The following HPGDS variants were observed in gnomAD, a reference collection of about 807,000 sequenced individuals.
The protein encoded by HPGDS is hematopoietic prostaglandin D synthase.
Under a neutral mutation model 23.1 loss-of-function variants are expected in HPGDS, and 26 were observed. The ratio of observed to expected loss-of-function variants is 1.13; its 90% CI spans 0.83 to 1.56. HPGDS has a LOEUF of 1.56. HPGDS is among the 40% of genes most tolerant of loss of function. The probability of loss-of-function intolerance (pLI) is 0.00; values close to 1 mark genes in which losing one functional copy is unlikely to be tolerated. For missense variants in HPGDS, 268 were observed against 236.4 expected (o/e 1.13, Z -0.88); for synonymous variants, 95 against 77.9 (o/e 1.22, Z -1.16).
At position 94,302,347 on chromosome 4, in the gene HPGDS, A is replaced by G. The variant is rs904984232; in HGVS notation, c.337-103T>C. The G allele has an allele frequency of 2.3e-5, 18 of 779,678 alleles. No individual in the cohort carries two copies. The African/African-American group carries it at 3.0e-4, about 13-fold the overall frequency. 48.3% of individuals were successfully genotyped at this position (779,678 alleles called of 1,614,324 possible). A position where few individuals can be genotyped will look rare whatever the true frequency, so the allele number is the denominator to read the frequency against. On this transcript the variant is annotated intron_variant, in intron 4 of 5. Transcript: ENST00000295256. ...CATCTTTATTCTCCCACATGAATTC[A>G]AGAAGAAAGAGAAGTAGCTAGATTT...
chr4:94,304,793 C>T (rs972485634), intron 4 of HPGDS, among the ~76,000 whole-genome samples: 3 of 151,956 alleles, frequency 2.0e-5, no homozygotes, highest in African/African-American at 7.3e-5. Flanking sequence ...AGTTGTTATT[C>T]TAATACAAAG....
intron 3 of HPGDS, among the ~76,000 whole-genome samples, chr4:94,309,579 G>T (rs1385555540): frequency 1.3e-5 from 2 of 152,162 alleles, no homozygotes; most frequent in Non-Finnish European, 2.9e-5. Flanking sequence ...GAATAGTGCT[G>T]CAATAAACAT....
At chr4:94,332,427 C>A (rs1756750759) in intron 2 of HPGDS, among the ~76,000 whole-genome samples, 4 of 152,226 alleles carry the variant, frequency 2.6e-5, no homozygotes, top group Admixed American at 2.6e-4. Context: ...TGTGATGAGG[C>A]AAGAGGCCCA....
intron 2 of HPGDS, chr4:94,334,217 AAAAC>A (rs1016425886): frequency 2.0e-4 from 50 of 245,776 alleles, no homozygotes; most frequent in African/African-American, 4.2e-4. Flanking sequence ...ACAAAATAGA[AAAAC>A]AAACAAACAA....
chr4:94,325,108 A>G (rs1486416010), intron 2 of HPGDS, among the ~76,000 whole-genome samples: 3 of 152,154 alleles, frequency 2.0e-5, no homozygotes, highest in Non-Finnish European at 4.4e-5. Flanking sequence ...AACAGCAAAT[A>G]TTGCAGAACA....
chr4:94,339,537 A>T (rs1049571565), intron 1 of HPGDS, among the ~76,000 whole-genome samples: 1 of 152,224 alleles, frequency 6.6e-6, no homozygotes, highest in Admixed American at 6.5e-5. Context: ...CTGGATAAAA[A>T]CTTAGACATA....
chr4:94,324,701 A>T (rs906868210), intron 2 of HPGDS, among the ~76,000 whole-genome samples: 2 of 152,172 alleles, frequency 1.3e-5, no homozygotes, highest in Non-Finnish European at 2.9e-5. Flanking sequence ...GATGGGTTCA[A>T]ACATCCTCCT....
chr4:94,315,872 A>G (rs1368536258), intron 3 of HPGDS, among the ~76,000 whole-genome samples: 1 of 152,164 alleles, frequency 6.6e-6, no homozygotes, highest in East Asian at 1.9e-4. Flanking sequence ...TCAGCTAAAA[A>G]TTTATGGAGG....
At chr4:94,302,085 A>G (rs1756051225) in intron 5 of HPGDS, 61 bp downstream of exon 5, 3 of 1,260,610 alleles carry the variant, frequency 2.4e-6, no homozygotes, top group East Asian at 2.4e-5. Context: ...GTAAGTTTTT[A>G]TACTTCTATT....
rs956506648 is a variant in HPGDS at position 94,300,170 on chromosome 4, C to T, written c.436-526G>A. ...TCAGGACCTTTGTATTTCATCTTAC[C>T]TTGTTCCTTTGTACTACGTAGTATA... On this transcript the variant is annotated intron_variant, in intron 5 of 5. Coordinates refer to ENST00000295256, the MANE Select transcript of HPGDS (RefSeq NM_014485.3). 4.6e-5 allele frequency among the ~76,000 whole-genome samples: 7 copies of T among 152,086 alleles called. No individual in the cohort carries two copies. The East Asian group carries it at 1.4e-3, about 29-fold the overall frequency.
chr4:94,309,721 G>T (rs1756221078), intron 3 of HPGDS, among the ~76,000 whole-genome samples: 1 of 151,696 alleles, frequency 6.6e-6, no homozygotes, highest in Admixed American at 6.6e-5. Context: ...TTCCACAATG[G>T]TTGAACTAGT....
intron 2 of HPGDS, among the ~76,000 whole-genome samples, chr4:94,331,414 G>C (rs554147098): frequency 4.0e-5 from 6 of 150,776 alleles, no homozygotes; most frequent in Admixed American, 1.3e-4. Flanking sequence ...TATGTTTTCT[G>C]TTAGATTTTT....
rs143592956 is a variant in HPGDS, at chr4:94,319,212, C to T, written c.134-1247G>A. 5.5e-3 allele frequency among the ~76,000 whole-genome samples: 844 copies of T among 152,258 alleles called. 4 individuals carry two copies. Among genetic ancestry groups the T allele is most frequent in the African/African-American group, 0.019 (786 of 41,544 alleles). ...AATATTTGCTTCATATATTTGGGTG[C>T]ACATATATTTACAATTGTTATATCT... On this transcript the variant is annotated intron_variant, in intron 2 of 5. Transcript: ENST00000295256.
intron 2 of HPGDS, 88 bp from the exon 3 acceptor site, chr4:94,318,053 G>T: frequency 2.7e-6 from 2 of 730,390 alleles, no homozygotes; most frequent in Non-Finnish European, 2.3e-6. Flanking sequence ...TGAAAACAAA[G>T]CATGATTTTA....
At chr4:94,340,314 T>TCTTTCTTTTTCTTTTC (rs1560598045) in intron 1 of HPGDS, among the ~76,000 whole-genome samples, 2 of 11,086 alleles carry the variant, frequency 1.8e-4, no homozygotes, top group African/African-American at 4.4e-4. Flanking sequence ...TCTTTCTCTT[T>TCTTTCTTTTTCTTTTC]TTTTTTTTTT....
Position 94,298,719 on chromosome 4 carries a change from T to A in HPGDS, c.*761A>T. On this transcript the variant is annotated 3_prime_UTR_variant, in exon 6 of 6. Transcript: ENST00000295256. Reference sequence around the variant, plus strand: ...TTTCTCATCACAACAACTTTATTCATGTCAGTAAATTCATCTTTACAAGTT... The same window carrying A: ...TTTCTCATCACAACAACTTTATTCAAGTCAGTAAATTCATCTTTACAAGTT... 1 of 152,248 alleles carries A rather than the reference T, an allele frequency of 6.6e-6. No individual in the cohort carries two copies. Among genetic ancestry groups the A allele is most frequent in the East Asian group, 1.9e-4 (1 of 5,198 alleles). The allele number at this position is 152,248 out of a possible 1,614,324, so 9.4% of individuals were successfully genotyped here. A position where few individuals can be genotyped will look rare whatever the true frequency, so the allele number is the denominator to read the frequency against.
intron 2 of HPGDS, 34 bp from the exon 3 acceptor site, chr4:94,317,999 A>C (rs868748341): frequency 8.1e-7 from 1 of 1,241,598 alleles, no homozygotes; most frequent in African/African-American, 1.5e-5. Context: ...TTAACTTCAT[A>C]ACAAAACCAG....
At chr4:94,322,971 C>T (rs1412728094) in intron 2 of HPGDS, among the ~76,000 whole-genome samples, 1 of 152,184 alleles carries the variant, frequency 6.6e-6, no homozygotes, top group African/African-American at 2.4e-5. Context: ...TGTCTTTGTT[C>T]TCATTGGTTT....
chr4:94,334,469 T>C, intron 2 of HPGDS, 28 bp downstream of exon 2: 1 of 1,545,450 alleles, frequency 6.5e-7, no homozygotes, highest in Non-Finnish European at 8.7e-7. Context: ...AGCATATTTT[T>C]CCTACATTTA....
Sources: gnomAD v4.1 joint callset for allele counts (sites outside exome capture counted in the v4.1 genomes callset) on GRCh38, gnomAD v4.1.1 for gene constraint, MANE v1.5 for transcripts, NCBI Gene and HGNC (gene_info 2026-07-23, HGNC 2026-07-21) for gene names.